CFAP43: variants seen among roughly 807,000 people sequenced by gnomAD.
CFAP43 encodes cilia- and flagella-associated protein 43.
A neutral mutation model predicts 218.9 loss-of-function variants in CFAP43; 155 were observed. The observed-to-expected ratio is 0.71, with a 90% CI of 0.62 to 0.81. The LOEUF is 0.81. Ranked by LOEUF, CFAP43 falls within the 30% of genes least tolerant of loss-of-function variation. CFAP43 has a pLI of 0.00. For synonymous variants in CFAP43, 645 were observed against 681.3 expected (o/e 0.95, Z 0.83); for missense variants, 1,778 against 1,954.3 (o/e 0.91, Z 1.70).
chr10:104,150,772 G>A (rs781164795), intron 28 of CFAP43, among the ~76,000 whole-genome samples: 75 of 152,204 alleles, frequency 4.9e-4, no homozygotes, highest in Admixed American at 2.0e-3. Context: ...GGGTACATAT[G>A]CATGTTTGTT....
intron 8 of CFAP43, among the ~76,000 whole-genome samples, chr10:104,203,141 C>G (rs747224130): frequency 5.3e-5 from 8 of 152,182 alleles, no homozygotes; most frequent in Non-Finnish European, 1.0e-4. Flanking sequence ...TGGGTTGACT[C>G]TACCCAGCAT....
intron 20 of CFAP43, 92 bp from the exon 21 acceptor site, chr10:104,168,940 A>G (rs1160875098): frequency 1.0e-6 from 1 of 994,482 alleles, no homozygotes; most frequent in Non-Finnish European, 1.5e-6. Context: ...GTAGCCATTA[A>G]CTGCACCTTC....
intron 34 of CFAP43, among the ~76,000 whole-genome samples, chr10:104,137,810 A>G (rs574797441): frequency 1.8e-4 from 27 of 152,298 alleles, no homozygotes; most frequent in Admixed American, 1.5e-3. Flanking sequence ...CAAAAAACAA[A>G]AAACAAAACA....
At chr10:104,226,771 G>A (rs1231458338) in intron 2 of CFAP43, among the ~76,000 whole-genome samples, 2 of 152,132 alleles carry the variant, frequency 1.3e-5, no homozygotes, top group Non-Finnish European at 2.9e-5. Context: ...TGAAATCCCA[G>A]CACTTTGGGA....
At chr10:104,131,575 A>T in intron 36 of CFAP43, 91 bp from the exon 37 acceptor site, 1 of 1,332,892 alleles carries the variant, frequency 7.5e-7, no homozygotes, top group Non-Finnish European at 1.0e-6. Context: ...TTTTAAATAC[A>T]TTATCATCAT....
At chr10:104,222,392 C>T (rs557592629) in intron 3 of CFAP43, among the ~76,000 whole-genome samples, 2 of 152,190 alleles carry the variant, frequency 1.3e-5, no homozygotes, top group Non-Finnish European at 2.9e-5. Flanking sequence ...AGGGTGCCAT[C>T]GGGGTTGCTC....
intron 28 of CFAP43, among the ~76,000 whole-genome samples, chr10:104,151,196 A>C (rs896934084): frequency 3.9e-5 from 6 of 152,218 alleles, no homozygotes; most frequent in Admixed American, 3.9e-4. Context: ...ATAGTACTGC[A>C]GTGAACATAT....
chr10:104,145,600 G>T, intron 30 of CFAP43, 36 bp from the exon 31 acceptor site: 1 of 1,432,662 alleles, frequency 7.0e-7, no homozygotes, highest in South Asian at 1.3e-5. Context: ...ACTGCAACTT[G>T]GTTTGGAAAC....
At chr10:104,192,611 C>T (rs970191796) in intron 11 of CFAP43, 12 of 285,256 alleles carry the variant, frequency 4.2e-5, no homozygotes, top group East Asian at 1.1e-4. Context: ...ATGTTTCAAG[C>T]GCAAATAAGC....
Position 104,214,419 on chromosome 10 carries a change from C to T in CFAP43, c.424G>A (p.Glu142Lys), listed in dbSNP as rs758729681. Residue 142 changes from glutamate to lysine, a missense_variant, in exon 4 of 38, where the codon GAA becomes AAA. Physicochemically the swap from Glu to Lys is moderately conservative, Grantham distance 56. Transcript: ENST00000357060. ...TTCTTACACAAAATGATACTCGATT[C>T]CCAGTTCCTTAGAGAAAAATAGCAT... ...PEFELALWNWESSIILCKKSQ... is the reference protein window; with the variant it reads ...PEFELALWNWKSSIILCKKSQ... 1.3e-6 allele frequency: 2 copies of T among 1,576,348 alleles called. No individual in the cohort carries two copies. The highest frequency in any genetic ancestry group is 1.8e-5 in the Admixed American group (1 of 54,640).
intron 17 of CFAP43, 47 bp from the exon 18 acceptor site, chr10:104,179,979 A>G (rs764383195): frequency 6.6e-7 from 1 of 1,521,568 alleles, no homozygotes; most frequent in Non-Finnish European, 9.1e-7. Flanking sequence ...GTTAAAATTC[A>G]TCAAGTTTTT....
intron 17 of CFAP43, 37 bp downstream of exon 17, chr10:104,182,329 A>G (rs1426096045): frequency 1.3e-6 from 2 of 1,495,362 alleles, no homozygotes; most frequent in Non-Finnish European, 1.8e-6. Flanking sequence ...CAAAGAAAGA[A>G]ATGTAAGCAA....
rs1183961705 is a variant in CFAP43 at position 104,196,865 on chromosome 10, A to G, written c.1281T>C (p.Tyr427=). Residue 427 remains tyrosine (Y), a synonymous_variant, in exon 10 of 38, where the codon TAT becomes TAC. Transcript: ENST00000357060. Reference sequence around the variant, plus strand: ...CAAGTATACTTACTAGGGTATTCAGATAAATCTTGCTTACACAAGCACAAT... The same window carrying G: ...CAAGTATACTTACTAGGGTATTCAGGTAAATCTTGCTTACACAAGCACAAT... The part of the protein sequence containing the change: ...LEDCACVSKI[Y]LNTLATVLAC... 1 of 1,612,196 alleles carries G rather than the reference A, an allele frequency of 6.2e-7. No homozygotes were observed. Among genetic ancestry groups the G allele is most frequent in the East Asian group, 2.2e-5 (1 of 44,740 alleles).
chr10:104,161,065 A>G lies in CFAP43; in HGVS notation c.3512T>C (p.Leu1171Ser). 1 of 1,610,916 alleles carries G rather than the reference A, an allele frequency of 6.2e-7. No homozygotes were observed. The highest frequency in any genetic ancestry group is 8.5e-7 in the Non-Finnish European group (1 of 1,177,464). Residue 1171 changes from leucine (L) to serine (S), a missense_variant, in exon 27 of 38, where the codon TTA becomes TCA. By Grantham distance (145) the Leu-to-Ser change is moderately radical. Transcript: ENST00000357060. ...TCTATACTTATCTCTTTCTTCATTT[A>G]ACTCCTTTACTTTTTTCTCATAATC... ...FKDYEKKVKE[L>S]NEERDKYRKS...
In CFAP43 at chr10:104,186,047, A is replaced by G. The variant is rs758401656; in HGVS notation, c.1937T>C (p.Leu646Pro). 1.2e-6 allele frequency: 2 copies of G among 1,609,552 alleles called. No individual in the cohort carries two copies. Among genetic ancestry groups the G allele is most frequent in the Admixed American group, 3.4e-5 (2 of 58,634 alleles). Residue 646 changes from leucine to proline, a missense_variant, in exon 15 of 38, where the codon CTG (leucine) becomes CCG (proline). This residue lies in a region of CFAP43 where 1,553 missense variants were observed against 1,685.2 expected (regional missense o/e 0.92). Transcript: ENST00000357060. ...TATGAGCCACAATCCATGTGAAGAC[A>G]GATAGAGCAGTCCAGGTCCATACTG... ...SRQYGPGLLY[L>P]SSHGLWLITI...
intron 27 of CFAP43, among the ~76,000 whole-genome samples, chr10:104,158,281 T>C (rs903211519): frequency 3.3e-5 from 5 of 152,160 alleles, no homozygotes; most frequent in African/African-American, 1.2e-4. Flanking sequence ...ACAGGTTAGT[T>C]ATTACACACG....
chr10:104,189,024 A>C (rs116141772), intron 12 of CFAP43, among the ~76,000 whole-genome samples: 185 of 152,228 alleles, frequency 1.2e-3, no homozygotes, highest in African/African-American at 4.3e-3. Context: ...CCTCTTCCTT[A>C]ACAAGGAAGA....
intron 20 of CFAP43, 96 bp downstream of exon 20, chr10:104,172,314 G>C (rs949550242): frequency 6.9e-7 from 1 of 1,447,714 alleles, no homozygotes; most frequent in African/African-American, 1.4e-5. Flanking sequence ...AAAAGGTTTT[G>C]TCATATTCAC....
At chr10:104,203,854 T>G (rs747726168) in intron 7 of CFAP43, 51 bp from the exon 8 acceptor site, 1 of 1,494,732 alleles carries the variant, frequency 6.7e-7, no homozygotes, top group Non-Finnish European at 8.9e-7. Flanking sequence ...CAATGCATAG[T>G]ATACTTGCCT....
Sources: gnomAD v4.1 joint callset for allele counts (sites outside exome capture counted in the v4.1 genomes callset) on GRCh38, gnomAD v4.1.1 for gene constraint, gnomAD v4.1.1 regional missense constraint, MANE v1.5 for transcripts, NCBI Gene and HGNC (gene_info 2026-07-23, HGNC 2026-07-21) for gene names.